CACNG3: variants seen among roughly 807,000 people sequenced by gnomAD.
CACNG3 encodes the protein calcium voltage-gated channel auxiliary subunit gamma 3.
CACNG3 carries 3 observed loss-of-function variants against 28.5 expected under a neutral mutation model. The ratio of observed to expected loss-of-function variants is 0.11; its 90% CI spans 0.05 to 0.27. The LOEUF is 0.27. Among genes scored for constraint, CACNG3 ranks in the 10% least tolerant of loss-of-function variants. CACNG3 has a pLI of 1.00. For synonymous variants in CACNG3, 174 were observed against 162.2 expected, an observed-to-expected ratio of 1.07 and a Z score of -0.55; for missense variants, 236 against 414.4, an observed-to-expected ratio of 0.57 and a Z score of 3.74.
At chr16:24,288,037 C>T (rs758491258) in intron 1 of CACNG3, among the ~76,000 whole-genome samples, 1 of 152,158 alleles carries the variant, frequency 6.6e-6, no homozygotes, top group Non-Finnish European at 1.5e-5. Context: ...TATTGAGGGC[C>T]TACTTCTGTG....
intron 1 of CACNG3, 28 bp from the exon 2 acceptor site, chr16:24,346,706 G>A (rs1899873471): frequency 6.3e-7 from 1 of 1,578,522 alleles, no homozygotes; most frequent in South Asian, 1.1e-5. Flanking sequence ...TCCTCCCCCA[G>A]GCTCAGAACC....
At chr16:24,277,303 C>G (rs1898764515) in intron 1 of CACNG3, among the ~76,000 whole-genome samples, 1 of 152,174 alleles carries the variant, frequency 6.6e-6, no homozygotes, top group African/African-American at 2.4e-5. Context: ...TAGCTCTCGA[C>G]AGGAACATTT....
intron 1 of CACNG3, among the ~76,000 whole-genome samples, chr16:24,284,854 AT>A (rs780290359): frequency 1.3e-5 from 2 of 151,106 alleles, no homozygotes; most frequent in Non-Finnish European, 2.9e-5. Context: ...TGCCAATGTG[AT>A]TAACTAGCTT....
chr16:24,294,698 G>A (rs563598561), intron 1 of CACNG3, among the ~76,000 whole-genome samples: 112 of 152,256 alleles, frequency 7.4e-4, no homozygotes, highest in Middle Eastern at 3.4e-3. Context: ...ACTGTACCCA[G>A]CACAAATAAG....
chr16:24,321,703 C>T (rs956058445), intron 1 of CACNG3, among the ~76,000 whole-genome samples: 1 of 152,122 alleles, frequency 6.6e-6, no homozygotes, highest in African/African-American at 2.4e-5. Context: ...TTGCTAAGAT[C>T]TAGGGAAGGA....
intron 1 of CACNG3, among the ~76,000 whole-genome samples, chr16:24,269,766 A>AG (rs1324039771): frequency 6.7e-6 from 1 of 149,114 alleles, no homozygotes; most frequent in Admixed American, 6.6e-5. Context: ...AAAAAAAAAA[A>AG]AGAGAAAGAA....
intron 1 of CACNG3, among the ~76,000 whole-genome samples, chr16:24,332,479 AG>A: frequency 6.6e-6 from 1 of 151,618 alleles, no homozygotes; most frequent in African/African-American, 2.4e-5. Context: ...AAAAAAAAAA[AG>A]AATGAGAAAA....
At chr16:24,319,093 G>A (rs1465975457) in intron 1 of CACNG3, among the ~76,000 whole-genome samples, 1 of 152,174 alleles carries the variant, frequency 6.6e-6, no homozygotes, top group African/African-American at 2.4e-5. Context: ...GGGTTATAAA[G>A]TTTCCTTTGA....
At chr16:24,322,778 T>C (rs1899482482) in intron 1 of CACNG3, among the ~76,000 whole-genome samples, 1 of 152,176 alleles carries the variant, frequency 6.6e-6, no homozygotes, top group African/African-American at 2.4e-5. Context: ...TATCTGTGAT[T>C]ATGTCTATAA....
intron 2 of CACNG3, among the ~76,000 whole-genome samples, chr16:24,348,840 C>T (rs550028704): frequency 1.3e-5 from 2 of 152,294 alleles, no homozygotes; most frequent in South Asian, 2.1e-4. Flanking sequence ...TTTGCTCTGT[C>T]GGAGACTAAA....
intron 1 of CACNG3, among the ~76,000 whole-genome samples, chr16:24,261,220 C>T (rs1216849594): frequency 6.6e-6 from 1 of 152,140 alleles, no homozygotes; most frequent in Non-Finnish European, 1.5e-5. Context: ...GCTCAATTCT[C>T]AGCAGGTTTG....
chr16:24,268,014 A>G (rs1370456811), intron 1 of CACNG3, among the ~76,000 whole-genome samples: 1 of 152,222 alleles, frequency 6.6e-6, no homozygotes, highest in Admixed American at 6.5e-5. Context: ...TTTATTTAAC[A>G]GACACACGCT....
At chr16:24,321,491 TGTCTC>T (rs1324185315) in intron 1 of CACNG3, among the ~76,000 whole-genome samples, 1 of 152,086 alleles carries the variant, frequency 6.6e-6, no homozygotes, top group Non-Finnish European at 1.5e-5. Flanking sequence ...AATAAAGAGT[TGTCTC>T]GGTTATCAGA....
intron 1 of CACNG3, among the ~76,000 whole-genome samples, chr16:24,345,296 T>C (rs983017383): frequency 1.3e-5 from 2 of 152,186 alleles, no homozygotes; most frequent in African/African-American, 4.8e-5. Flanking sequence ...GGGACAAGAA[T>C]GCATAATTTC....
At chr16:24,319,942 T>A (rs1449294941) in intron 1 of CACNG3, among the ~76,000 whole-genome samples, 1 of 152,194 alleles carries the variant, frequency 6.6e-6, no homozygotes, top group Non-Finnish European at 1.5e-5. Context: ...CGCTAATTTT[T>A]GCATTTTTAG....
intron 3 of CACNG3, among the ~76,000 whole-genome samples, chr16:24,358,292 C>G (rs1251772986): frequency 1.3e-5 from 2 of 152,246 alleles, no homozygotes; most frequent in Admixed American, 1.3e-4. Context: ...AAATGTAGCT[C>G]TACTACTTTC....
intron 3 of CACNG3, 87 bp downstream of exon 3, chr16:24,355,060 C>T: frequency 2.3e-6 from 3 of 1,322,770 alleles, no homozygotes; most frequent in Non-Finnish European, 2.1e-6. Flanking sequence ...ACTCAGGGCT[C>T]CCTCCAGGGA....
intron 1 of CACNG3, among the ~76,000 whole-genome samples, chr16:24,286,949 A>T (rs887316266): frequency 6.6e-6 from 1 of 152,212 alleles, no homozygotes; most frequent in Non-Finnish European, 1.5e-5. Context: ...CTCCTGTGCA[A>T]GGTCCTTGCC....
intron 1 of CACNG3, among the ~76,000 whole-genome samples, chr16:24,327,442 A>ATATATATATATATG (rs1899568685): frequency 9.4e-6 from 1 of 106,886 alleles, no homozygotes; most frequent in African/African-American, 3.8e-5. Flanking sequence ...GTGTGTGTAT[A>ATATATATATATATG]TATATATATA....
Sources: allele counts gnomAD v4.1 joint callset (sites outside exome capture counted in the v4.1 genomes callset), GRCh38; gene constraint gnomAD v4.1.1; transcripts MANE v1.5; gene names NCBI Gene and HGNC (gene_info 2026-07-23, HGNC 2026-07-21).